RABGAP1L: variants seen among roughly 807,000 people sequenced by gnomAD.
RABGAP1L encodes rab GTPase-activating protein 1-like.
Under a neutral mutation model 137.7 loss-of-function variants are expected in RABGAP1L, and 63 were observed. The observed-to-expected ratio is 0.46, with a 90% CI of 0.37 to 0.56. RABGAP1L has a LOEUF of 0.56. Among genes scored for constraint, RABGAP1L ranks in the 20% least tolerant of loss-of-function variants. The pLI is 0.00. For missense variants in RABGAP1L, 1,095 were observed against 1,244.0 expected (o/e 0.88, Z 1.80); for synonymous variants, 431 against 433.7 (o/e 0.99, Z 0.08).
intron 13 of RABGAP1L, among the ~76,000 whole-genome samples, chr1:174,529,980 G>A (rs1664247842): frequency 6.6e-6 from 1 of 152,112 alleles, no homozygotes. Flanking sequence ...TGGCCAGGTA[G>A]GCTTGTCCTT....
Position 174,530,848 on chromosome 1 carries a change from T to C in RABGAP1L, c.1711-106527T>C, listed in dbSNP as rs536550559. Among the ~76,000 whole-genome samples, 338 of 151,890 alleles carry C rather than the reference T, an allele frequency of 2.2e-3. 1 individual carries two copies. The highest frequency in any genetic ancestry group is 3.3e-3 in the Non-Finnish European group (223 of 67,944). On this transcript the variant is annotated intron_variant, in intron 13 of 25. Coordinates refer to ENST00000681986, the MANE Select transcript of RABGAP1L (RefSeq NM_001366446.1). Reference sequence around the variant, plus strand: ...ATACATACATACATACGTACGTTTGTGTAGGGAACATGCAGGGTATTAAAA... The same window carrying C: ...ATACATACATACATACGTACGTTTGCGTAGGGAACATGCAGGGTATTAAAA...
chr1:174,426,426 G>T (rs1276140461), intron 13 of RABGAP1L, among the ~76,000 whole-genome samples: 2 of 151,860 alleles, frequency 1.3e-5, no homozygotes, highest in African/African-American at 4.8e-5. Context: ...TTAGATAAAT[G>T]GTTTCCTAAA....
chr1:174,468,371 T>C (rs1040220454), intron 13 of RABGAP1L, among the ~76,000 whole-genome samples: 1 of 152,176 alleles, frequency 6.6e-6, no homozygotes, highest in Non-Finnish European at 1.5e-5. Context: ...TTGCAAGACG[T>C]GTATACACAT....
At chr1:174,852,170 TTG>T in intron 19 of RABGAP1L, among the ~76,000 whole-genome samples, 1 of 152,338 alleles carries the variant, frequency 6.6e-6, no homozygotes, top group Middle Eastern at 3.4e-3. Context: ...AAAAGTAACT[TTG>T]AGAACCACAG....
intron 18 of RABGAP1L, among the ~76,000 whole-genome samples, chr1:174,809,908 A>G (rs1689707188): frequency 6.6e-6 from 1 of 152,212 alleles, no homozygotes; most frequent in Non-Finnish European, 1.5e-5. Context: ...TTTCCAGCTA[A>G]GTTAAGGTGA....
chr1:174,505,045 A>G (rs536999439), intron 13 of RABGAP1L, among the ~76,000 whole-genome samples: 11 of 152,330 alleles, frequency 7.2e-5, no homozygotes, highest in African/African-American at 2.6e-4. Flanking sequence ...AAAAATGGGC[A>G]AAATACCTGA....
chr1:174,341,115 C>T (rs1324737518), intron 11 of RABGAP1L, among the ~76,000 whole-genome samples: 1 of 151,422 alleles, frequency 6.6e-6, no homozygotes, highest in Non-Finnish European at 1.5e-5. Flanking sequence ...GGGTTTTGTT[C>T]TTGTAAATTT....
chr1:174,738,481 G>C (rs1468180484), intron 17 of RABGAP1L, among the ~76,000 whole-genome samples: 1 of 152,182 alleles, frequency 6.6e-6, no homozygotes, highest in Non-Finnish European at 1.5e-5. Context: ...AGGGTCTGCA[G>C]AGTGGGGTGG....
At chr1:174,231,478 A>C (rs1009412119) in intron 4 of RABGAP1L, 123 bp downstream of exon 4, 3 of 877,032 alleles carry the variant, frequency 3.4e-6, no homozygotes, top group African/African-American at 3.3e-5. Context: ...CAGAGTAAAC[A>C]TGTTTAGGCT....
At chr1:174,653,728 A>G (rs80128278) in intron 14 of RABGAP1L, among the ~76,000 whole-genome samples, 3,267 of 152,316 alleles carry the variant, frequency 0.021, 123 homozygotes, top group African/African-American at 0.075. Context: ...TGCCAGCCCT[A>G]TGTATCATAT....
chr1:174,789,075 T>C (rs1462606285), intron 18 of RABGAP1L, among the ~76,000 whole-genome samples: 1 of 152,180 alleles, frequency 6.6e-6, no homozygotes, highest in African/African-American at 2.4e-5. Context: ...TAACATGTAT[T>C]ATCCAAAGTT....
At chr1:174,246,194 A>C (rs910149947) in intron 5 of RABGAP1L, 2 of 152,218 alleles carry the variant, frequency 1.3e-5, no homozygotes, top group African/African-American at 4.8e-5. Context: ...TCCATTCCAG[A>C]TATCTACATG....
chr1:174,721,864 T>C (rs1384548049), intron 17 of RABGAP1L, among the ~76,000 whole-genome samples: 1 of 152,350 alleles, frequency 6.6e-6, no homozygotes, highest in South Asian at 2.1e-4. Context: ...TTCTAAATTA[T>C]CAAAGGTTTT....
At chr1:174,403,812 T>C (rs1648932890) in intron 13 of RABGAP1L, among the ~76,000 whole-genome samples, 1 of 151,944 alleles carries the variant, frequency 6.6e-6, no homozygotes. Context: ...GGATTTTTTT[T>C]TTTTTGGTTG....
At chr1:174,218,034 T>A (rs529003111) in intron 1 of RABGAP1L, among the ~76,000 whole-genome samples, 18 of 152,252 alleles carry the variant, frequency 1.2e-4, no homozygotes, top group African/African-American at 4.3e-4. Flanking sequence ...CAAGGTCCCG[T>A]GTTCTTTAGC....
chr1:174,167,211 T>C (rs1209448335), intron 1 of RABGAP1L, among the ~76,000 whole-genome samples: 1 of 150,132 alleles, frequency 6.7e-6, no homozygotes, highest in African/African-American at 2.4e-5. Flanking sequence ...TTAAAGTTTT[T>C]TCCCCCTCTT....
chr1:174,763,989 C>G (rs950786128), intron 18 of RABGAP1L, among the ~76,000 whole-genome samples: 1 of 152,188 alleles, frequency 6.6e-6, no homozygotes, highest in African/African-American at 2.4e-5. Flanking sequence ...CACCACCTGA[C>G]AACTTCTAAT....
chr1:174,448,379 G>A lies in RABGAP1L; in HGVS notation c.1710+54234G>A, dbSNP rs762493241. 6.2e-6 allele frequency: 10 copies of A among 1,613,588 alleles called. No homozygotes were observed. Among genetic ancestry groups the A allele is most frequent in the South Asian group, 4.4e-5 (4 of 91,058 alleles). On this transcript the variant is annotated intron_variant, in intron 13 of 25. Coordinates refer to ENST00000681986, the MANE Select transcript of RABGAP1L (RefSeq NM_001366446.1). This position sits in a 1 kb window ranked among gnomAD's most constrained non-coding sequence, Gnocchi z 4.2. ...GACGATGGCATATGCTGATCTTTTC[G>A]TTGGAGTTAGCTGCTTGGTTCCTAC...
intron 14 of RABGAP1L, among the ~76,000 whole-genome samples, chr1:174,639,208 C>G (rs1674326451): frequency 6.6e-6 from 1 of 151,634 alleles, no homozygotes; most frequent in African/African-American, 2.4e-5. Context: ...TTTATCTAAC[C>G]ATTTTGGAGG....
Sources: allele counts gnomAD v4.1 joint callset (sites outside exome capture counted in the v4.1 genomes callset), GRCh38; gene constraint gnomAD v4.1.1; non-coding constraint Gnocchi (gnomAD v3.1); transcripts MANE v1.5; gene names NCBI Gene and HGNC (gene_info 2026-07-23, HGNC 2026-07-21).